Variants in GPR141 observed in about 807,000 individuals in gnomAD.
GPR141 encodes G protein-coupled receptor 141, also known as probable G protein-coupled receptor 141.
In GPR141, 6 loss-of-function variants were observed where a neutral mutation model predicts 6.8. That is an observed-to-expected ratio of 0.88 (90% CI 0.48 to 1.74). GPR141 has a LOEUF of 1.74. GPR141 is among the 40% of genes most tolerant of loss of function. The pLI is 0.01. For missense variants in GPR141, 372 were observed against 372.9 expected (o/e 1.00, Z 0.02); for synonymous variants, 140 against 142.3 (o/e 0.98, Z 0.11).
At chr7:37,702,448 G>T (rs1810317897) in intron 2 of GPR141, among the ~76,000 whole-genome samples, 1 of 148,310 alleles carries the variant, frequency 6.7e-6, no homozygotes, top group Admixed American at 6.8e-5. Context: ...ACCTTTACTA[G>T]TTCGGAAGAT....
At chr7:37,708,310 CAAAAAAAA>C (rs66783277) in intron 2 of GPR141, among the ~76,000 whole-genome samples, 81 of 59,812 alleles carry the variant, frequency 1.4e-3, no homozygotes, top group South Asian at 0.011. Context: ...AAATTGCTGG[CAAAAAAAA>C]AAAAAAAAAA....
At chr7:37,720,468 A>G (rs1487400661) in intron 2 of GPR141, among the ~76,000 whole-genome samples, 1 of 152,228 alleles carries the variant, frequency 6.6e-6, no homozygotes, top group African/African-American at 2.4e-5. Flanking sequence ...TTAGGCCGGC[A>G]CCATGGCTCA....
intron 2 of GPR141, among the ~76,000 whole-genome samples, chr7:37,724,947 C>T (rs1338539761): frequency 6.6e-6 from 1 of 152,148 alleles, no homozygotes; most frequent in Non-Finnish European, 1.5e-5. Context: ...GACTGAGACA[C>T]AGAACCTGGA....
chr7:37,721,901 G>A (rs1811344802), intron 2 of GPR141, among the ~76,000 whole-genome samples: 1 of 152,148 alleles, frequency 6.6e-6, no homozygotes, highest in Admixed American at 6.5e-5. Flanking sequence ...GTTCATTTCA[G>A]AATTTTGCCT....
Position 37,743,744 on chromosome 7 carries a change from A to G in GPR141, c.*2433A>G, listed in dbSNP as rs1258926741. Among the ~76,000 whole-genome samples, 6 of 152,150 alleles carry G rather than the reference A, an allele frequency of 3.9e-5. No homozygotes were observed. ...TTTCATATATTATAATAACAGGCTT[A>G]TTAGAAATGTTCTCAAAAGATAGAA... On this transcript the variant is annotated 3_prime_UTR_variant, in exon 3 of 3. Coordinates refer to ENST00000334425, the MANE Select transcript of GPR141 (RefSeq NM_001381946.1).
At chr7:37,698,988 T>G (rs1810151985) in intron 2 of GPR141, among the ~76,000 whole-genome samples, 1 of 152,208 alleles carries the variant, frequency 6.6e-6, no homozygotes, top group Non-Finnish European at 1.5e-5. Context: ...TAGCTGACTT[T>G]TAACCACTGA....
intron 2 of GPR141, among the ~76,000 whole-genome samples, chr7:37,718,091 G>A (rs1233383793): frequency 6.6e-6 from 1 of 151,740 alleles, no homozygotes; most frequent in Non-Finnish European, 1.5e-5. Context: ...AAAGTATTTG[G>A]TGTTTACTAG....
At chr7:37,711,593 A>G (rs1007183051) in intron 2 of GPR141, among the ~76,000 whole-genome samples, 4 of 152,218 alleles carry the variant, frequency 2.6e-5, no homozygotes, top group Non-Finnish European at 5.9e-5. Flanking sequence ...TTAAAAATCA[A>G]ATCCTTAAGA....
chr7:37,720,424 G>GT (rs1484152170), intron 2 of GPR141, among the ~76,000 whole-genome samples: 1 of 152,176 alleles, frequency 6.6e-6, no homozygotes, highest in Non-Finnish European at 1.5e-5. Flanking sequence ...AAAGCAGAGA[G>GT]TTAAGTACTT....
intron 2 of GPR141, among the ~76,000 whole-genome samples, chr7:37,725,404 G>C (rs986557647): frequency 3.3e-5 from 5 of 152,118 alleles, no homozygotes; most frequent in African/African-American, 1.2e-4. Context: ...CTGCGAACTT[G>C]AGCAGGGTGA....
chr7:37,720,738 C>CAAA (rs543342332), intron 2 of GPR141, among the ~76,000 whole-genome samples: 10 of 58,678 alleles, frequency 1.7e-4, no homozygotes, highest in African/African-American at 5.6e-4. Context: ...GACTCCGTCT[C>CAAA]AAAAAAAAAA....
chr7:37,711,819 G>T (rs976023537), intron 2 of GPR141, among the ~76,000 whole-genome samples: 1 of 152,204 alleles, frequency 6.6e-6, no homozygotes, highest in Non-Finnish European at 1.5e-5. Context: ...CCTAGGTTAT[G>T]CCAGAGGTGC....
At chr7:37,684,055 A>G (rs919318713) in intron 1 of GPR141, among the ~76,000 whole-genome samples, 152 bp downstream of exon 1, 3 of 152,296 alleles carry the variant, frequency 2.0e-5, no homozygotes, top group African/African-American at 2.4e-5. Flanking sequence ...CTCCTCCTTT[A>G]TAGAAAGAAT....
intron 2 of GPR141, among the ~76,000 whole-genome samples, chr7:37,739,087 A>G (rs1812402573): frequency 1.3e-5 from 2 of 152,170 alleles, no homozygotes; most frequent in African/African-American, 4.8e-5. Context: ...TGCCCCTCAC[A>G]AGGTGCTATC....
In GPR141 at chr7:37,742,196, C is replaced by A. The variant is rs1051968254; in HGVS notation, c.*885C>A. On this transcript the variant is annotated 3_prime_UTR_variant, in exon 3 of 3. Coordinates refer to ENST00000334425, the MANE Select transcript of GPR141 (RefSeq NM_001381946.1). ...AGTTAATTAAGATTTTTAGGGGGGA[C>A]AGAAAGTTATACTGAAATCTTTAGA... 6.6e-6 allele frequency among the ~76,000 whole-genome samples: 1 copy of A among 151,816 alleles called. No individual in the cohort carries two copies. Among genetic ancestry groups the A allele is most frequent in the Admixed American group, 6.6e-5 (1 of 15,256 alleles).
chr7:37,693,437 G>C (rs1809874632), intron 2 of GPR141, among the ~76,000 whole-genome samples: 1 of 152,182 alleles, frequency 6.6e-6, no homozygotes, highest in Non-Finnish European at 1.5e-5. Flanking sequence ...CAGGTAGCAT[G>C]ATGCCTCCAG....
chr7:37,717,579 A>C, intron 2 of GPR141, among the ~76,000 whole-genome samples: 1 of 150,596 alleles, frequency 6.6e-6, no homozygotes. Flanking sequence ...TCTTTCTCTC[A>C]CCCCCCTTGT....
At chr7:37,711,937 C>T (rs1810817156) in intron 2 of GPR141, among the ~76,000 whole-genome samples, 1 of 152,172 alleles carries the variant, frequency 6.6e-6, no homozygotes, top group African/African-American at 2.4e-5. Flanking sequence ...TCAGTCCTGT[C>T]TGTATGGTAA....
At position 37,708,323 on chromosome 7, in the gene GPR141, A is replaced by AAC. The variant is rs1554341171; in HGVS notation, c.-15+22741_-15+22742insCA. 2.9e-4 allele frequency among the ~76,000 whole-genome samples: 43 copies of AAC among 150,792 alleles called. 1 individual carries two copies. The highest frequency in any genetic ancestry group is 9.0e-4 in the African/African-American group (37 of 40,892). On this transcript the variant is annotated intron_variant, in intron 2 of 2. Transcript: ENST00000334425. ...ACAAATTGCTGGCAAAAAAAAAAAAAAAAAAAAAAAAACGCAAAAGCTGGC... is the reference window on the plus strand; with the variant it reads ...ACAAATTGCTGGCAAAAAAAAAAAAAACAAAAAAAAAAAACGCAAAAGCTGGC...
Sources: allele counts gnomAD v4.1 joint callset (sites outside exome capture counted in the v4.1 genomes callset), GRCh38; gene constraint gnomAD v4.1.1; transcripts MANE v1.5; gene names NCBI Gene and HGNC (gene_info 2026-07-23, HGNC 2026-07-21).